Variants in DSCAML1 observed in about 807,000 individuals in gnomAD.
The protein encoded by DSCAML1 is DS cell adhesion molecule like 1, also known as cell adhesion molecule DSCAML1.
Under a neutral mutation model 200.5 loss-of-function variants are expected in DSCAML1, and 38 were observed. That is an observed-to-expected ratio of 0.19 (90% CI 0.15 to 0.25). DSCAML1 has a LOEUF of 0.25. Ranked by LOEUF, DSCAML1 falls within the 10% of genes least tolerant of loss-of-function variation. The pLI is 1.00. For synonymous variants in DSCAML1, 1,215 were observed against 1,165.0 expected, an observed-to-expected ratio of 1.04 and a Z score of -0.87; for missense variants, 2,223 against 2,858.8, an observed-to-expected ratio of 0.78 and a Z score of 5.07.
intron 18 of DSCAML1, 42 bp downstream of exon 18, chr11:117,461,408 G>A (rs538802007): frequency 8.7e-6 from 14 of 1,613,278 alleles, no homozygotes; most frequent in East Asian, 4.5e-5. Context: ...ACTGACCTGC[G>A]CCTCTCCCCT....
intron 3 of DSCAML1, among the ~76,000 whole-genome samples, chr11:117,606,614 A>G (rs1460738670): frequency 6.6e-6 from 1 of 152,154 alleles, no homozygotes; most frequent in African/African-American, 2.4e-5. Context: ...GGCATCCTTC[A>G]TTTGACATGG....
chr11:117,783,612 AT>A (rs1264302812), intron 1 of DSCAML1, among the ~76,000 whole-genome samples: 1 of 151,976 alleles, frequency 6.6e-6, no homozygotes, highest in Non-Finnish European at 1.5e-5. Context: ...TATTATTTCC[AT>A]TTTACTGATA....
At chr11:117,535,913 G>A (rs1555182404) in intron 3 of DSCAML1, among the ~76,000 whole-genome samples, 1 of 145,406 alleles carries the variant, frequency 6.9e-6, no homozygotes, top group Non-Finnish European at 1.5e-5. Flanking sequence ...GGGGGTGGGG[G>A]GCTGATGCTG....
intron 3 of DSCAML1, among the ~76,000 whole-genome samples, chr11:117,660,927 C>T (rs997226877): frequency 6.6e-6 from 1 of 152,168 alleles, no homozygotes; most frequent in Non-Finnish European, 1.5e-5. Flanking sequence ...TGCCTAAAAT[C>T]CCATCATTAA....
chr11:117,482,747 C>G (rs1300132153), intron 11 of DSCAML1, among the ~76,000 whole-genome samples: 1 of 152,142 alleles, frequency 6.6e-6, no homozygotes, highest in Non-Finnish European at 1.5e-5. Context: ...GGAAGGAATA[C>G]TAAATTTCAG....
intron 3 of DSCAML1, among the ~76,000 whole-genome samples, chr11:117,687,562 G>A (rs1211125259): frequency 6.6e-6 from 1 of 151,432 alleles, no homozygotes; most frequent in Non-Finnish European, 1.5e-5. Context: ...CACCATGACT[G>A]GCCTAATCTG....
At chr11:117,648,078 C>G (rs2052553459) in intron 3 of DSCAML1, among the ~76,000 whole-genome samples, 1 of 152,232 alleles carries the variant, frequency 6.6e-6, no homozygotes, top group Admixed American at 6.5e-5. Context: ...GCCACACCCA[C>G]AAGTGACCAG....
rs1182530868 is a variant in DSCAML1 at position 117,443,898 on chromosome 11, G to A, written c.3850C>T (p.Pro1284Ser). The change falls in exon 21 of 33, where the codon CCT (proline) becomes TCT (serine). Residue 1284 changes from proline (P) to serine (S), a missense_variant. Transcript: ENST00000651296. ...GNSSEKVTIEPAGKAPAKIIS... is the reference protein window; with the variant it reads ...GNSSEKVTIESAGKAPAKIIS... ...TCAGGCTTCTCACCCTTGCCAGCAG[G>A]CTCGATGGTCACCTTCTCGCTGCTG... The A allele has an allele frequency of 6.2e-7, 1 of 1,606,600 alleles. No individual in the cohort carries two copies. Among genetic ancestry groups the A allele is most frequent in the South Asian group, 1.1e-5 (1 of 90,724 alleles).
At chr11:117,810,978 A>G (rs555365734) in intron 1 of DSCAML1, among the ~76,000 whole-genome samples, 4 of 152,068 alleles carry the variant, frequency 2.6e-5, no homozygotes, top group African/African-American at 7.2e-5. Context: ...CGCCAGACCA[A>G]GCTAGGTCCC....
chr11:117,429,681 T>G (rs999127078), intron 32 of DSCAML1, among the ~76,000 whole-genome samples: 1 of 152,202 alleles, frequency 6.6e-6, no homozygotes, highest in Non-Finnish European at 1.5e-5. Context: ...ACCTAGTTCC[T>G]TATTTCTTAA....
chr11:117,816,017 C>T (rs11216562), intron 1 of DSCAML1, among the ~76,000 whole-genome samples: 12,028 of 152,058 alleles, frequency 0.079, 1,041 homozygotes, highest in African/African-American at 0.21. Flanking sequence ...GGAGACCCTC[C>T]CCCAATCTCC....
At chr11:117,459,120 G>A (rs2137141343) in intron 18 of DSCAML1, among the ~76,000 whole-genome samples, 1 of 152,352 alleles carries the variant, frequency 6.6e-6, no homozygotes, top group South Asian at 2.1e-4. Flanking sequence ...GGGCCAGTGA[G>A]GGCGAGCCAC....
At chr11:117,677,579 G>A (rs1415632643) in intron 3 of DSCAML1, among the ~76,000 whole-genome samples, 1 of 152,030 alleles carries the variant, frequency 6.6e-6, no homozygotes, top group East Asian at 1.9e-4. Context: ...CTGGCTTGTG[G>A]GCAGAGGGAG....
chr11:117,752,496 G>A (rs2137871173), intron 3 of DSCAML1, among the ~76,000 whole-genome samples: 1 of 152,310 alleles, frequency 6.6e-6, no homozygotes, highest in South Asian at 2.1e-4. Flanking sequence ...GCTTAATCCA[G>A]AACTCCTCCA....
At chr11:117,492,435 C>CCCTGA in intron 11 of DSCAML1, among the ~76,000 whole-genome samples, 15 of 152,194 alleles carry the variant, frequency 9.9e-5, no homozygotes, top group African/African-American at 3.4e-4. Flanking sequence ...TTCCAAGGGA[C>CCCTGA]AGCAGGTACC....
Position 117,472,015 on chromosome 11 carries a change from G to C in DSCAML1, c.2807C>G (p.Ser936Cys), listed in dbSNP as rs917498149. Residue 936 changes from serine to cysteine, a missense_variant, in exon 15 of 33, where the codon TCC (serine) becomes TGC (cysteine). Around this residue, in one of 7 missense-constraint regions of DSCAML1, gnomAD observed 438 missense variants for 629.7 expected, o/e 0.70. Coordinates refer to ENST00000651296, the MANE Select transcript of DSCAML1 (RefSeq NM_020693.4). ...NKSDSWDFKQ[S>C]TRNISPTINQ... ...GATGGTGGGGGAGATGTTGCGTGTG[G>C]ACTGCTTGAAGTCCCAGGAATCTGG... 3.1e-6 allele frequency: 5 copies of C among 1,613,986 alleles called. No homozygotes were observed. The African/African-American group carries it at 6.7e-5, about 22-fold the overall frequency.
intron 1 of DSCAML1, among the ~76,000 whole-genome samples, chr11:117,806,753 G>A (rs539362053): frequency 2.1e-4 from 32 of 152,290 alleles, no homozygotes; most frequent in Non-Finnish European, 4.7e-4. Context: ...CTTTGGTGGT[G>A]GTGGTAGTGT....
chr11:117,509,975 C>G (rs2049586212), intron 8 of DSCAML1, among the ~76,000 whole-genome samples: 1 of 152,258 alleles, frequency 6.6e-6, no homozygotes, highest in Non-Finnish European at 1.5e-5. Flanking sequence ...TCCCCAGAAG[C>G]CCTGCTCTGG....
At chr11:117,478,072 G>A (rs1271965863) in intron 14 of DSCAML1, among the ~76,000 whole-genome samples, 1 of 152,266 alleles carries the variant, frequency 6.6e-6, no homozygotes, top group African/African-American at 2.4e-5. Flanking sequence ...AGAAGGGCAA[G>A]ACGTGGATGT....
Sources: allele counts gnomAD v4.1 joint callset (sites outside exome capture counted in the v4.1 genomes callset), GRCh38; gene constraint gnomAD v4.1.1; regional missense constraint gnomAD v4.1.1; transcripts MANE v1.5; gene names NCBI Gene and HGNC (gene_info 2026-07-23, HGNC 2026-07-21).